RAB27B: variants seen among roughly 807,000 people sequenced by gnomAD.
RAB27B encodes the protein RAB27B, member RAS oncogene family, also known as ras-related protein Rab-27B.
In RAB27B, 15 loss-of-function variants were observed where a neutral mutation model predicts 24.6. The observed-to-expected ratio is 0.61, with a 90% CI of 0.41 to 0.94. The LOEUF (loss-of-function observed/expected upper bound fraction) is 0.94. Among genes scored for constraint, RAB27B ranks in the 40% least tolerant of loss-of-function variants. RAB27B has a pLI of 0.00. For missense variants in RAB27B, 261 were observed against 266.8 expected, an observed-to-expected ratio of 0.98 and a Z score of 0.15; for synonymous variants, 105 against 92.5, an observed-to-expected ratio of 1.14 and a Z score of -0.78.
At chr18:54,727,076 G>A (rs1598860392) in intron 2 of RAB27B, among the ~76,000 whole-genome samples, 1 of 152,128 alleles carries the variant, frequency 6.6e-6, no homozygotes, top group South Asian at 2.1e-4. Context: ...TCCGCCTCCC[G>A]GGTTTAAGCA....
intron 2 of RAB27B, among the ~76,000 whole-genome samples, chr18:54,754,007 T>C (rs934523993): frequency 6.6e-6 from 1 of 152,204 alleles, no homozygotes; most frequent in Non-Finnish European, 1.5e-5. Flanking sequence ...GACTGTTCTT[T>C]TTGAATGTGT....
chr18:54,815,992 T>C (rs1200736318), intron 2 of RAB27B, among the ~76,000 whole-genome samples: 1 of 152,230 alleles, frequency 6.6e-6, no homozygotes, highest in Admixed American at 6.5e-5. Context: ...TTTGTTTCAA[T>C]GTGAACATTT....
chr18:54,793,434 G>A (rs1909316488), intron 2 of RAB27B, among the ~76,000 whole-genome samples: 2 of 152,118 alleles, frequency 1.3e-5, no homozygotes, highest in South Asian at 4.1e-4. Context: ...ACATAGATAG[G>A]CGATAAAGGA....
intron 2 of RAB27B, among the ~76,000 whole-genome samples, chr18:54,750,239 G>C (rs1439256550): frequency 6.6e-6 from 1 of 152,020 alleles, no homozygotes; most frequent in Non-Finnish European, 1.5e-5. Flanking sequence ...TAGAATATTA[G>C]AAAACAAATA....
At chr18:54,742,920 C>A (rs1239133259) in intron 2 of RAB27B, among the ~76,000 whole-genome samples, 1 of 152,190 alleles carries the variant, frequency 6.6e-6, no homozygotes, top group East Asian at 1.9e-4. Context: ...GTGAGGTCAG[C>A]TTTTGGCAGG....
intron 4 of RAB27B, 137 bp downstream of exon 4, chr18:54,884,573 A>G (rs1913057127): frequency 3.5e-6 from 2 of 577,412 alleles, no homozygotes; most frequent in Non-Finnish European, 6.2e-6. Context: ...TGCCTGTGCC[A>G]CTGTGTCACC....
At position 54,747,154 on chromosome 18, in the gene RAB27B, TCC is replaced by T. The variant is rs33910610; in HGVS notation, c.-20+29014_-20+29015del. Among the ~76,000 whole-genome samples, 932 of 152,202 alleles carry T rather than the reference TCC, an allele frequency of 6.1e-3. 8 individuals are homozygous for T. Among genetic ancestry groups the T allele is most frequent in the African/African-American group, 0.021 (884 of 41,552 alleles). On this transcript the variant is annotated intron_variant, in intron 2 of 4. Coordinates refer to the RAB27B transcript ENST00000586570. The stretch of plus-strand genomic sequence containing the variant: ...AGCCTACTCTCCATAGAGCAGGACC[TCC>T]TCCCCACAATCTCCAATCCTATATA...
chr18:54,839,938 G>A (rs1911043409), intron 1 of RAB27B, among the ~76,000 whole-genome samples: 1 of 152,120 alleles, frequency 6.6e-6, no homozygotes, highest in African/African-American at 2.4e-5. Context: ...ATAAATAATA[G>A]TTGCTTTGTC....
At chr18:54,785,131 T>C (rs1460571104) in intron 2 of RAB27B, among the ~76,000 whole-genome samples, 1 of 151,542 alleles carries the variant, frequency 6.6e-6, no homozygotes, top group African/African-American at 2.4e-5. Context: ...AGACGGAGTC[T>C]CGCTCTGTCG....
intron 3 of RAB27B, among the ~76,000 whole-genome samples, chr18:54,883,524 T>G (rs1913010928): frequency 6.6e-6 from 1 of 152,130 alleles, no homozygotes; most frequent in Admixed American, 6.5e-5. Flanking sequence ...TTTTGCCCAT[T>G]GCTCTTATTG....
chr18:54,871,849 C>CAA lies in RAB27B; in HGVS notation c.-19-5699_-19-5698dup, dbSNP rs11388519. On this transcript the variant is annotated intron_variant, in intron 1 of 5. Coordinates refer to ENST00000262094, the MANE Select transcript of RAB27B (RefSeq NM_004163.4). ...TGGGCGACAGAGCAAGACTCCATCT[C>CAA]AAAAAAAAAAAAAAAAAAAAGAAAT... Among the ~76,000 whole-genome samples, 625 of 85,668 alleles carry CAA rather than the reference C, an allele frequency of 7.3e-3. 20 individuals are homozygous for CAA. In the South Asian group the frequency reaches 0.13, roughly 18 times the overall value. 56.2% of individuals were successfully genotyped at this position (85,668 alleles called of 152,430 possible). A position where few individuals can be genotyped will look rare whatever the true frequency, so the allele number is the denominator to read the frequency against.
At chr18:54,886,418 A>G (rs977552540) in intron 4 of RAB27B, among the ~76,000 whole-genome samples, 1 of 152,094 alleles carries the variant, frequency 6.6e-6, no homozygotes, top group Non-Finnish European at 1.5e-5. Context: ...ATCACTACAT[A>G]TTATGCAAAA....
upstream of RAB27B, among the ~76,000 whole-genome samples, chr18:54,828,025 T>G (rs895671238): frequency 6.6e-6 from 1 of 152,232 alleles, no homozygotes; most frequent in Admixed American, 6.5e-5. Flanking sequence ...TACTGATTAA[T>G]GCATTCATAC....
intron 1 of RAB27B, among the ~76,000 whole-genome samples, chr18:54,830,046 G>A (rs1474368758): frequency 1.3e-5 from 2 of 152,178 alleles, no homozygotes; most frequent in African/African-American, 2.4e-5. Flanking sequence ...AGATAAAACT[G>A]GATGAGCCTG....
chr18:54,843,405 C>T (rs1911197656), intron 1 of RAB27B, among the ~76,000 whole-genome samples: 1 of 151,772 alleles, frequency 6.6e-6, no homozygotes, highest in Non-Finnish European at 1.5e-5. Flanking sequence ...TAAGAAGATG[C>T]TTCTTTCTGA....
chr18:54,753,790 T>A (rs1016454981), intron 2 of RAB27B, among the ~76,000 whole-genome samples: 5 of 152,200 alleles, frequency 3.3e-5, no homozygotes, highest in African/African-American at 1.2e-4. Flanking sequence ...ATGCATAATT[T>A]ATGTCACTTA....
intron 2 of RAB27B, among the ~76,000 whole-genome samples, chr18:54,732,851 G>A (rs528908312): frequency 1.3e-5 from 2 of 152,180 alleles, no homozygotes; most frequent in Admixed American, 6.5e-5. Flanking sequence ...CCAAATCTGG[G>A]ACTTTTAATC....
intron 2 of RAB27B, among the ~76,000 whole-genome samples, chr18:54,725,296 C>A (rs1265042585): frequency 6.6e-6 from 1 of 151,222 alleles, no homozygotes; most frequent in Non-Finnish European, 1.5e-5. Context: ...TCTTTTTTTT[C>A]TTCCTTCTGT....
intron 2 of RAB27B, among the ~76,000 whole-genome samples, chr18:54,805,814 T>G (rs559461229): frequency 1.1e-4 from 17 of 152,340 alleles, no homozygotes; most frequent in African/African-American, 3.8e-4. Context: ...TTCAGAAGAT[T>G]GGATCTTATA....
Sources: allele counts gnomAD v4.1 joint callset (sites outside exome capture counted in the v4.1 genomes callset), GRCh38; gene constraint gnomAD v4.1.1; transcripts MANE v1.5; gene names NCBI Gene and HGNC (gene_info 2026-07-23, HGNC 2026-07-21).